The following SNX14 variants were observed in gnomAD, a reference collection of about 807,000 sequenced individuals.
SNX14 encodes the protein sorting nexin-14.
Under a neutral mutation model 133.8 loss-of-function variants are expected in SNX14, and 93 were observed. That is an observed-to-expected ratio of 0.70 (90% CI 0.59 to 0.83). SNX14 has a LOEUF of 0.83. Ranked by LOEUF, SNX14 falls within the 40% of genes least tolerant of loss-of-function variation. The pLI, the probability that SNX14 is intolerant of heterozygous loss-of-function variation, is 0.00. For missense variants in SNX14, 945 were observed against 1,094.9 expected (o/e 0.86, Z 1.93); for synonymous variants, 368 against 365.6 (o/e 1.01, Z -0.07).
intron 14 of SNX14, among the ~76,000 whole-genome samples, chr6:85,542,803 T>C (rs998744959): frequency 1.1e-4 from 17 of 152,192 alleles, no homozygotes; most frequent in African/African-American, 4.1e-4. Context: ...TCTTGCTCTA[T>C]GGCCCAGGCT....
intron 14 of SNX14, among the ~76,000 whole-genome samples, chr6:85,542,579 A>G (rs1784121745): frequency 6.6e-6 from 1 of 151,860 alleles, no homozygotes; most frequent in Non-Finnish European, 1.5e-5. Context: ...TATTTTTAGT[A>G]GAGAAGGGGT....
intron 1 of SNX14, among the ~76,000 whole-genome samples, chr6:85,590,806 T>C (rs1387600204): frequency 2.0e-5 from 3 of 152,240 alleles, no homozygotes; most frequent in Admixed American, 1.3e-4. Flanking sequence ...TTGCAAAAAG[T>C]ACGAAGTTTT....
intron 6 of SNX14, 92 bp downstream of exon 6, chr6:85,565,240 C>T (rs1040322211): frequency 8.6e-6 from 6 of 698,798 alleles, no homozygotes; most frequent in African/African-American, 5.4e-5. Context: ...CAAATATGTA[C>T]ATTTGCCATG....
At chr6:85,511,868 A>T (rs9450288) in intron 26 of SNX14, among the ~76,000 whole-genome samples, 70,932 of 152,008 alleles carry the variant, frequency 0.47, 17,417 homozygotes, top group Middle Eastern at 0.59. Flanking sequence ...TTTTCTTGAT[A>T]ACTGGACATG....
chr6:85,593,796 C>G lies in SNX14; in HGVS notation c.-78G>C, dbSNP rs997778147. 1.3e-6 allele frequency: 2 copies of G among 1,586,520 alleles called. No homozygotes were observed. The highest frequency in any genetic ancestry group is 1.4e-5 in the African/African-American group (1 of 73,608). On this transcript the variant is annotated 5_prime_UTR_variant, in exon 1 of 29. Coordinates refer to ENST00000314673, the MANE Select transcript of SNX14 (RefSeq NM_153816.6). The stretch of plus-strand genomic sequence containing the variant: ...CGACCCCCCATCCACACCTCGCGTC[C>G]CCGCCCCACCGACTTGGCGGCGCAC...
At chr6:85,553,446 A>G (rs1040692243) in intron 7 of SNX14, among the ~76,000 whole-genome samples, 8 of 152,088 alleles carry the variant, frequency 5.3e-5, no homozygotes, top group Non-Finnish European at 1.2e-4. Context: ...CTGCTTCTTT[A>G]TTGATAAGAT....
chr6:85,552,268 C>T (rs921203667), intron 7 of SNX14, among the ~76,000 whole-genome samples: 1 of 151,968 alleles, frequency 6.6e-6, no homozygotes, highest in African/African-American at 2.4e-5. Context: ...GATCTCCTGA[C>T]CTCGTGATCC....
intron 1 of SNX14, 137 bp downstream of exon 1, chr6:85,593,442 G>T: frequency 7.5e-7 from 1 of 1,332,938 alleles, no homozygotes; most frequent in Non-Finnish European, 9.9e-7. Context: ...CCCCGAGGCC[G>T]CTCCTCTGCG....
At chr6:85,522,341 A>G (rs1420785057) in intron 21 of SNX14, among the ~76,000 whole-genome samples, 1 of 152,200 alleles carries the variant, frequency 6.6e-6, no homozygotes, top group Non-Finnish European at 1.5e-5. Flanking sequence ...TTCTTCTTCT[A>G]AAGTGTGTTA....
At position 85,593,855 on chromosome 6, in the gene SNX14, T is replaced by C. The variant is rs1803844167; in HGVS notation, c.-137A>G. The C allele has an allele frequency of 4.0e-6, 6 of 1,486,134 alleles. No homozygotes were observed. The highest frequency in any genetic ancestry group is 2.4e-5 in the Admixed American group (1 of 40,992). 92.1% of individuals were successfully genotyped at this position (1,486,134 alleles called of 1,614,324 possible). A position where few individuals can be genotyped will look rare whatever the true frequency, so the allele number is the denominator to read the frequency against. Reference sequence around the variant, plus strand: ...CTACCGGCAGTTAGCCGCCGCAGGCTGAGGTCGCGTCCGGCTGGGCCCAGC... The same window carrying C: ...CTACCGGCAGTTAGCCGCCGCAGGCCGAGGTCGCGTCCGGCTGGGCCCAGC... On this transcript the variant is annotated 5_prime_UTR_variant, in exon 1 of 29. Coordinates refer to ENST00000314673, the MANE Select transcript of SNX14 (RefSeq NM_153816.6).
intron 17 of SNX14, among the ~76,000 whole-genome samples, chr6:85,536,126 A>C (rs545854643): frequency 6.6e-6 from 1 of 152,220 alleles, no homozygotes; most frequent in Non-Finnish European, 1.5e-5. Flanking sequence ...GGAAATGTTC[A>C]GTTCAACTTG....
Position 85,547,100 on chromosome 6 carries a change from G to C in SNX14, c.1108+12C>G, listed in dbSNP as rs770532656. The C allele has an allele frequency of 6.2e-7, 1 of 1,601,110 alleles. No individual in the cohort carries two copies. The highest frequency in any genetic ancestry group is 1.1e-5 in the South Asian group (1 of 90,186). ...AAAAATTACTTTCGTAAAATACACA[G>C]GTAAGCCTCACCCACAGTCAAACAA... is the stretch of plus-strand genomic sequence containing the variant. On this transcript the variant is annotated intron_variant, in intron 12 of 28. Coordinates refer to ENST00000314673, the MANE Select transcript of SNX14 (RefSeq NM_153816.6).
At chr6:85,533,833 T>C in intron 17 of SNX14, 33 bp from the exon 18 acceptor site, 1 of 1,536,958 alleles carries the variant, frequency 6.5e-7, no homozygotes, top group African/African-American at 1.4e-5. Flanking sequence ...AATTTAATAT[T>C]CCCAATACCT....
intron 14 of SNX14, 110 bp downstream of exon 14, chr6:85,543,072 T>C: frequency 9.0e-7 from 1 of 1,106,604 alleles, no homozygotes; most frequent in Non-Finnish European, 1.2e-6. Flanking sequence ...CCAGTAATCT[T>C]GTCTTATTTT....
intron 16 of SNX14, among the ~76,000 whole-genome samples, chr6:85,537,921 C>T (rs938639774): frequency 3.3e-5 from 5 of 152,230 alleles, no homozygotes; most frequent in African/African-American, 1.2e-4. Flanking sequence ...AGTGAGGCTC[C>T]ATCAAGAAAA....
At position 85,571,140 on chromosome 6, in the gene SNX14, CAGG is replaced by C. The variant is rs549592081; in HGVS notation, c.417+994_417+996del. Among the ~76,000 whole-genome samples the C allele has an allele frequency of 3.3e-5, 5 of 152,036 alleles. No individual in the cohort carries two copies. In the South Asian group the frequency reaches 8.3e-4, roughly 25 times the overall value. On this transcript the variant is annotated intron_variant, in intron 4 of 28. Coordinates refer to ENST00000314673, the MANE Select transcript of SNX14 (RefSeq NM_153816.6). ...GGCCGACGTGGGTGGATCACGAGGT[CAGG>C]AGATCAAGACCACGTCCTGGCTAAC...
chr6:85,572,398 GT>G, intron 2 of SNX14, 24 bp from the exon 3 acceptor site: 1 of 1,546,030 alleles, frequency 6.5e-7, no homozygotes, highest in Non-Finnish European at 8.9e-7. Flanking sequence ...ATGAGAGGTG[GT>G]GGGGAGATCC....
chr6:85,523,695 G>T (rs977433947), intron 21 of SNX14, among the ~76,000 whole-genome samples: 17 of 152,134 alleles, frequency 1.1e-4, no homozygotes, highest in Non-Finnish European at 1.9e-4. Flanking sequence ...AGCCCAGAAG[G>T]CAGAAGTTGC....
Position 85,548,278 on chromosome 6 carries a change from T to A in SNX14, c.867+23A>T, listed in dbSNP as rs536717056. ...ATATTAAGTGTAATTTGTAACAATT[T>A]AAAAAAAAATCTTAAGTCTTACTGG... On this transcript the variant is annotated intron_variant, in intron 9 of 28. Transcript: ENST00000314673. The A allele has an allele frequency of 8.7e-5, 134 of 1,533,864 alleles. No homozygotes were observed. In the East Asian group the frequency reaches 9.5e-4, roughly 11 times the overall value.
Sources: gnomAD v4.1 joint callset for allele counts (sites outside exome capture counted in the v4.1 genomes callset) on GRCh38, gnomAD v4.1.1 for gene constraint, MANE v1.5 for transcripts, NCBI Gene and HGNC (gene_info 2026-07-23, HGNC 2026-07-21) for gene names.